The following NEURL1B variants were observed in gnomAD, a reference collection of about 807,000 sequenced individuals.
NEURL1B encodes E3 ubiquitin-protein ligase NEURL1B.
A neutral mutation model predicts 37.4 loss-of-function variants in NEURL1B; 13 were observed. The observed-to-expected ratio is 0.35, with a 90% CI of 0.23 to 0.55. The LOEUF (loss-of-function observed/expected upper bound fraction) is 0.55, where lower values mean the gene tolerates loss of function less well. Among genes scored for constraint, NEURL1B ranks in the 20% least tolerant of loss-of-function variants. The pLI, the probability that NEURL1B is intolerant of heterozygous loss-of-function variation, is 0.89. For missense variants in NEURL1B, 790 were observed against 879.2 expected, an observed-to-expected ratio of 0.90 and a Z score of 1.28; for synonymous variants, 432 against 426.6, an observed-to-expected ratio of 1.01 and a Z score of -0.16.
Position 172,669,954 on chromosome 5 carries a change from T to C in NEURL1B, c.201T>C (p.Asn67=). The part of the protein sequence containing the change: ...RRATRRNSFC[N]GVTFTQRPIR... ...CCACACGGCGCAACAGCTTCTGCAA[T>C]GGCGTCACGTTCACGCAGCGGCCCA... Residue 67 remains asparagine (N), a synonymous_variant, in exon 2 of 5, where the codon AAT becomes AAC. Transcript: ENST00000369800. 1 of 1,453,000 alleles carries C rather than the reference T, an allele frequency of 6.9e-7. No individual in the cohort carries two copies. Among genetic ancestry groups the C allele is most frequent in the Non-Finnish European group, 9.0e-7 (1 of 1,108,344 alleles). The allele number at this position is 1,453,000 out of a possible 1,614,324, so 90.0% of individuals were successfully genotyped here.
At chr5:172,654,525 T>A (rs1757727422) in intron 1 of NEURL1B, among the ~76,000 whole-genome samples, 2 of 151,838 alleles carry the variant, frequency 1.3e-5, no homozygotes, top group Admixed American at 1.3e-4. Flanking sequence ...TAATGTTAAA[T>A]CATCTAACAG....
intron 3 of NEURL1B, among the ~76,000 whole-genome samples, chr5:172,684,814 G>C (rs1169581740): frequency 2.0e-5 from 3 of 152,174 alleles, no homozygotes; most frequent in African/African-American, 7.2e-5. Flanking sequence ...AGAGTTGCAC[G>C]GTGTGACATT....
In NEURL1B at chr5:172,675,070, TGG is replaced by T. The variant is rs1758206688; in HGVS notation, c.577+4742_577+4743del. ...TTTTTAGTAAAGATGGGGTTTCTAC[TGG>T]GTACCTGTTGGTCAGGTTGGTCTCG... On this transcript the variant is annotated intron_variant, in intron 2 of 4. Coordinates refer to ENST00000369800, the MANE Select transcript of NEURL1B (RefSeq NM_001142651.3). The surrounding 1 kb of genome is among the most constrained non-coding windows in gnomAD (Gnocchi z 4.7). Among the ~76,000 whole-genome samples the T allele has an allele frequency of 6.6e-6, 1 of 152,096 alleles. No individual in the cohort carries two copies. The highest frequency in any genetic ancestry group is 6.5e-5 in the Admixed American group (1 of 15,268).
At chr5:172,656,844 G>A in intron 1 of NEURL1B, 1 of 608,456 alleles carries the variant, frequency 1.6e-6, no homozygotes, top group Non-Finnish European at 2.9e-6. Flanking sequence ...TCTTTAGGAT[G>A]GGGATAATGA....
Position 172,688,861 on chromosome 5 carries a change from T to G in NEURL1B, c.*1936T>G, listed in dbSNP as rs1056312463. On this transcript the variant is annotated 3_prime_UTR_variant, in exon 5 of 5. Transcript: ENST00000369800. The surrounding 1 kb of genome is among the most constrained non-coding windows in gnomAD (Gnocchi z 4.3). Reference sequence around the variant, plus strand: ...TGTGGGCGGGGCCACGCACAGGCCCTGCATGGGAGGACTCCTCACCCCAGG... The same window carrying G: ...TGTGGGCGGGGCCACGCACAGGCCCGGCATGGGAGGACTCCTCACCCCAGG... 1 of 152,256 alleles carries G rather than the reference T, an allele frequency of 6.6e-6. No homozygotes were observed. Among genetic ancestry groups the G allele is most frequent in the African/African-American group, 2.4e-5 (1 of 41,468 alleles). The allele number at this position is 152,256 out of a possible 1,614,324, so 9.4% of individuals were successfully genotyped here. A position where few individuals can be genotyped will look rare whatever the true frequency, so the allele number is the denominator to read the frequency against.
Position 172,657,143 on chromosome 5 carries a change from G to A in NEURL1B, c.32-12642G>A, listed in dbSNP as rs151286342. Among the ~76,000 whole-genome samples, 322 of 152,296 alleles carry A rather than the reference G, an allele frequency of 2.1e-3. 4 individuals carry two copies. Among genetic ancestry groups the A allele is most frequent in the African/African-American group, 7.4e-3 (309 of 41,564 alleles). ...TGGGCTTTGGATTCAGACCTGAGTC[G>A]AATCCTCACCGTGCTGTTTATCTGC... is the stretch of plus-strand genomic sequence containing the variant. On this transcript the variant is annotated intron_variant, in intron 1 of 4. Transcript: ENST00000369800. The surrounding 1 kb of genome is among the most constrained non-coding windows in gnomAD (Gnocchi z 4.0).
intron 1 of NEURL1B, among the ~76,000 whole-genome samples, chr5:172,654,143 C>T (rs987591062): frequency 6.6e-6 from 1 of 152,146 alleles, no homozygotes; most frequent in East Asian, 1.9e-4. Flanking sequence ...TTATTGAAAA[C>T]CTTGTAAGTT....
In NEURL1B at chr5:172,687,194, A is replaced by C. The variant is rs1323276243; in HGVS notation, c.*269A>C. ...TCACCCTGTCCCTTGGTGACCTTTC[A>C]ACTGGGAAACAGCGTCCTCTGTCTG... On this transcript the variant is annotated 3_prime_UTR_variant, in exon 5 of 5. Coordinates refer to ENST00000369800, the MANE Select transcript of NEURL1B (RefSeq NM_001142651.3). 3 of 379,538 alleles carry C rather than the reference A, an allele frequency of 7.9e-6. No homozygotes were observed. The highest frequency in any genetic ancestry group is 1.5e-5 in the Non-Finnish European group (3 of 203,902). The allele number at this position is 379,538 out of a possible 1,614,324, so 23.5% of individuals were successfully genotyped here.
chr5:172,652,181 G>A (rs1312553061), intron 1 of NEURL1B, among the ~76,000 whole-genome samples: 2 of 152,216 alleles, frequency 1.3e-5, no homozygotes, highest in Admixed American at 6.5e-5. Context: ...GATGGCCCTC[G>A]GGGGCTGACC....
intron 1 of NEURL1B, among the ~76,000 whole-genome samples, chr5:172,648,419 G>A (rs777790978): frequency 3.9e-5 from 6 of 152,228 alleles, no homozygotes; most frequent in Non-Finnish European, 7.3e-5. Context: ...CTTGTATCAC[G>A]TAGCCCGTCT....
chr5:172,677,573 C>T (rs950044606), intron 2 of NEURL1B, among the ~76,000 whole-genome samples: 3 of 152,184 alleles, frequency 2.0e-5, no homozygotes, highest in Admixed American at 6.5e-5. Context: ...AGGTCAGTGG[C>T]GCACAGACCC....
chr5:172,685,475 A>G (rs989796202), intron 3 of NEURL1B, among the ~76,000 whole-genome samples: 2 of 152,200 alleles, frequency 1.3e-5, no homozygotes, highest in African/African-American at 4.8e-5. Flanking sequence ...ACAAGCTGTT[A>G]TTGTCTGAAC....
At chr5:172,674,082 G>A (rs1758182461) in intron 2 of NEURL1B, among the ~76,000 whole-genome samples, 1 of 152,046 alleles carries the variant, frequency 6.6e-6, no homozygotes, top group Non-Finnish European at 1.5e-5. Context: ...AGAGGTTGCA[G>A]TGAGCCGAGA....
intron 1 of NEURL1B, among the ~76,000 whole-genome samples, chr5:172,668,769 C>T (rs4867682): frequency 0.46 from 70,248 of 151,994 alleles, 16,962 homozygotes; most frequent in South Asian, 0.6. Context: ...CTCCCAGGAT[C>T]CCAGAGCCCC....
Position 172,686,793 on chromosome 5 carries a change from C to T in NEURL1B, c.1536C>T (p.Asp512=). ...ECTVCFDGEV[D]TVIYTCGHMC... ...CGGTGTGCTTCGATGGCGAGGTGGA[C>T]ACGGTCATCTACACGTGTGGACACA... The change falls in exon 5 of 5, where the codon GAC becomes GAT. Residue 512 remains aspartate, a synonymous_variant. Coordinates refer to ENST00000369800, the MANE Select transcript of NEURL1B (RefSeq NM_001142651.3). The surrounding 1 kb of genome is among the most constrained non-coding windows in gnomAD (Gnocchi z 7.9). The T allele has an allele frequency of 6.4e-7, 1 of 1,552,074 alleles. No homozygotes were observed. Among genetic ancestry groups the T allele is most frequent in the Admixed American group, 2.0e-5 (1 of 51,064 alleles).
chr5:172,656,546 A>G (rs1310570736), intron 1 of NEURL1B: 2 of 1,610,298 alleles, frequency 1.2e-6, no homozygotes, highest in African/African-American at 2.7e-5. Flanking sequence ...TCTTAATTCC[A>G]CCTATGGCCA....
rs147684627 is a variant in NEURL1B, at chr5:172,652,893, G to C, written c.31+11456G>C. On this transcript the variant is annotated intron_variant, in intron 1 of 4. Coordinates refer to ENST00000369800, the MANE Select transcript of NEURL1B (RefSeq NM_001142651.3). ...CAAGAGTTTAGCTTTAGTCTGGAAG[G>C]GTTTTCCCCTGGGACTATGGCCCAC... Among the ~76,000 whole-genome samples, 983 of 152,318 alleles carry C rather than the reference G, an allele frequency of 6.5e-3. 10 individuals carry two copies. The highest frequency in any genetic ancestry group is 0.022 in the African/African-American group (896 of 41,552).
intron 1 of NEURL1B, among the ~76,000 whole-genome samples, chr5:172,643,557 T>G (rs1033043650): frequency 3.1e-4 from 47 of 152,360 alleles, no homozygotes; most frequent in African/African-American, 1.1e-3. Flanking sequence ...TGTCACTGCC[T>G]GTCTCTGTGA....
intron 2 of NEURL1B, among the ~76,000 whole-genome samples, chr5:172,681,566 G>A (rs1213744989): frequency 6.6e-6 from 1 of 152,190 alleles, no homozygotes; most frequent in East Asian, 1.9e-4. Flanking sequence ...GCCACCTCAG[G>A]CACATCAAGA....
Sources: allele counts gnomAD v4.1 joint callset (sites outside exome capture counted in the v4.1 genomes callset), GRCh38; gene constraint gnomAD v4.1.1; non-coding constraint Gnocchi (gnomAD v3.1); transcripts MANE v1.5; gene names NCBI Gene and HGNC (gene_info 2026-07-23, HGNC 2026-07-21).